The following SOX8 variants were observed in gnomAD, a reference collection of about 807,000 sequenced individuals.
SOX8 encodes the protein transcription factor SOX-8.
SOX8 carries 9 observed loss-of-function variants against 22.9 expected under a neutral mutation model. The ratio of observed to expected loss-of-function variants is 0.39; its 90% CI spans 0.24 to 0.69. The LOEUF (loss-of-function observed/expected upper bound fraction) is 0.69, where lower values mean the gene tolerates loss of function less well. Among genes scored for constraint, SOX8 ranks in the 30% least tolerant of loss-of-function variants. The pLI is 0.43. For missense variants in SOX8, 734 were observed against 699.4 expected, an observed-to-expected ratio of 1.05 and a Z score of -0.56; for synonymous variants, 416 against 330.6, an observed-to-expected ratio of 1.26 and a Z score of -2.80.
Position 984,810 on chromosome 16 carries a change from G to A in SOX8, c.765G>A (p.Gly255=), listed in dbSNP as rs1169779271. ...KLEGRRPVDS[G]RQNIDFSNVD... ...AGGGACGCCGGCCGGTGGACAGCGG[G>A]CGCCAGAACATCGACTTCAGCAACG... The change falls in exon 3 of 3, where the codon GGG becomes GGA. Residue 255 remains glycine, a synonymous_variant. Coordinates refer to ENST00000293894, the MANE Select transcript of SOX8 (RefSeq NM_014587.5). The A allele has an allele frequency of 1.2e-6, 2 of 1,612,106 alleles. No individual in the cohort carries two copies. The highest frequency in any genetic ancestry group is 1.7e-6 in the Non-Finnish European group (2 of 1,179,572).
chr16:982,604 T>C, intron 1 of SOX8: 1 of 375,124 alleles, frequency 2.7e-6, no homozygotes, highest in East Asian at 3.9e-5. Flanking sequence ...GGGTGCGCTC[T>C]GGAGCCAGTT....
rs756103620 is a variant in SOX8 at position 984,950 on chromosome 16, C to T, written c.905C>T (p.Ala302Val). ...GGPAPPEPGQ[A>V]YGGAYFHAGA... ...CCCGCCCCACCCGAGCCGGGCCAGG[C>T]CTATGGGGGCGCCTACTTCCACGCC... The change falls in exon 3 of 3, where the codon GCC becomes GTC. Residue 302 changes from alanine (A) to valine (V), a missense_variant. Coordinates refer to ENST00000293894, the MANE Select transcript of SOX8 (RefSeq NM_014587.5). 10 of 1,601,264 alleles carry T rather than the reference C, an allele frequency of 6.2e-6. No homozygotes were observed. Among genetic ancestry groups the T allele is most frequent in the Admixed American group, 1.7e-5 (1 of 58,532 alleles).
rs578065902 is a variant in SOX8 at position 984,204 on chromosome 16, G to A, written c.655+244G>A. On this transcript the variant is annotated intron_variant, in intron 2 of 2. Transcript: ENST00000293894. The stretch of plus-strand genomic sequence containing the variant: ...GCTTTGCTTGGCAGGGACCCCGAGA[G>A]GTGGTGTTTTCAGCAAGACTCAGTC... Among the ~76,000 whole-genome samples, 15 of 152,364 alleles carry A rather than the reference G, an allele frequency of 9.8e-5. No individual in the cohort carries two copies. The South Asian group carries it at 2.9e-3, about 29-fold the overall frequency.
At chr16:984,672 ATC>A in intron 2 of SOX8, 27 bp from the exon 3 acceptor site, 1 of 1,403,390 alleles carries the variant, frequency 7.1e-7, no homozygotes. Context: ...AGGGGCATTC[ATC>A]CCTGAAGCCT....
chr16:983,542 C>T (rs370313455), intron 1 of SOX8, 186 bp from the exon 2 acceptor site: 36 of 504,516 alleles, frequency 7.1e-5, no homozygotes, highest in East Asian at 5.5e-4. Flanking sequence ...AAACAGGCGC[C>T]GGCCGGTTCT....
rs1213640838 is a variant in SOX8 at position 984,903 on chromosome 16, C to A, written c.858C>A (p.Asp286Glu). 6.2e-7 allele frequency: 1 copy of A among 1,608,846 alleles called. No homozygotes were observed. The highest frequency in any genetic ancestry group is 1.7e-5 in the Admixed American group (1 of 59,776). The change falls in exon 3 of 3, where the codon GAC (aspartate) becomes GAA (glutamate). Residue 286 changes from aspartate (D) to glutamate (E), a missense_variant. Asp to Glu is a conservative substitution (Grantham distance 45, BLOSUM62 2). Coordinates refer to ENST00000293894, the MANE Select transcript of SOX8 (RefSeq NM_014587.5). ...TMDAFDVHEF[D>E]QYLPLGGPAP... ...ACGCCTTCGACGTCCACGAGTTCGA[C>A]CAGTACCTGCCCCTGGGCGGCCCCG...
chr16:984,701 G>A lies in SOX8; in HGVS notation c.656G>A (p.Gly219Glu). ...CTGAAGCCTGCTCTCCTGTCCCCAG[G>A]GCAGACCCACGGGCCGCCCACCCCG... ...GDGHHHGDHT[G>E]QTHGPPTPPT... Residue 219 changes from glycine (G) to glutamate (E), a missense_variant and splice_region_variant, in exon 3 of 3, where the codon GGG (glycine) becomes GAG (glutamate). Around this residue, in one of 3 missense-constraint regions of SOX8, gnomAD observed 588 missense variants for 568.2 expected, o/e 1.03. Transcript: ENST00000293894. 1 of 1,522,406 alleles carries A rather than the reference G, an allele frequency of 6.6e-7. No homozygotes were observed. The highest frequency in any genetic ancestry group is 8.8e-7 in the Non-Finnish European group (1 of 1,138,814). The allele number at this position is 1,522,406 out of a possible 1,614,324, so 94.3% of individuals were successfully genotyped here.
At position 984,854 on chromosome 16, in the gene SOX8, G is replaced by A. The variant is rs1391420648; in HGVS notation, c.809G>A (p.Ser270Asn). The change falls in exon 3 of 3, where the codon AGC (serine) becomes AAC (asparagine). Residue 270 changes from serine to asparagine, a missense_variant. Transcript: ENST00000293894. The part of the protein sequence containing the change: ...DFSNVDISEL[S>N]SEVMGTMDAF... ...AGCAACGTGGACATCTCGGAGCTCA[G>A]CAGCGAGGTCATGGGCACCATGGAC... 6.2e-7 allele frequency: 1 copy of A among 1,612,090 alleles called. No individual in the cohort carries two copies. Among genetic ancestry groups the A allele is most frequent in the Non-Finnish European group, 8.5e-7 (1 of 1,179,550 alleles).
rs945574311 is a variant in SOX8, at chr16:985,460, C to T, written c.*74C>T. Reference sequence around the variant, plus strand: ...CCCGGCCCAGTGTGTGTGACCAGGGCGGGAGGGGCCCCAGTGGCTGAGCTC... The same window carrying T: ...CCCGGCCCAGTGTGTGTGACCAGGGTGGGAGGGGCCCCAGTGGCTGAGCTC... On this transcript the variant is annotated 3_prime_UTR_variant, in exon 3 of 3. Transcript: ENST00000293894. 4.3e-5 allele frequency: 55 copies of T among 1,267,842 alleles called. No individual in the cohort carries two copies. The African/African-American group carries it at 5.8e-4, about 13-fold the overall frequency. The allele number at this position is 1,267,842 out of a possible 1,614,324, so 78.5% of individuals were successfully genotyped here. A position where few individuals can be genotyped will look rare whatever the true frequency, so the allele number is the denominator to read the frequency against.
In SOX8 at chr16:985,091, G is replaced by T; in HGVS notation, c.1046G>T (p.Gly349Val). 1 of 1,590,636 alleles carries T rather than the reference G, an allele frequency of 6.3e-7. No homozygotes were observed. The highest frequency in any genetic ancestry group is 1.1e-5 in the South Asian group (1 of 89,834). The change falls in exon 3 of 3, where the codon GGC becomes GTC. Residue 349 changes from glycine (G) to valine (V), a missense_variant. This residue lies in a region of SOX8 where 588 missense variants were observed against 568.2 expected (regional missense o/e 1.03). Coordinates refer to ENST00000293894, the MANE Select transcript of SOX8 (RefSeq NM_014587.5). Reference sequence around the variant, plus strand: ...GAGCAGCCGAGCCCCGGCCACTACGGCGACCAGCCCCGAGGCTCGCCCGAC... The same window carrying T: ...GAGCAGCCGAGCCCCGGCCACTACGTCGACCAGCCCCGAGGCTCGCCCGAC... ...KTEQPSPGHYGDQPRGSPDYG... is the reference protein window; with the variant it reads ...KTEQPSPGHYVDQPRGSPDYG...
intron 1 of SOX8, 78 bp downstream of exon 1, chr16:982,422 G>A (rs1034297961): frequency 8.0e-5 from 101 of 1,261,132 alleles, no homozygotes; most frequent in Non-Finnish European, 9.9e-5. Context: ...GGGCCTGGAG[G>A]GCGCAGAGCT....
Position 982,259 on chromosome 16 carries a change from G to A in SOX8, c.337G>A (p.Ala113Thr). Reference protein sequence around the residue: ...KRPMNAFMVWAQAARRKLADQ... With the variant: ...KRPMNAFMVWTQAARRKLADQ... ...GCCCATGAACGCATTCATGGTGTGG[G>A]CGCAGGCGGCGCGCCGCAAGCTGGC... Residue 113 changes from alanine to threonine, a missense_variant, in exon 1 of 3, where the codon GCG becomes ACG. Ala to Thr is a moderately conservative substitution (Grantham distance 58). Coordinates refer to ENST00000293894, the MANE Select transcript of SOX8 (RefSeq NM_014587.5). 1 of 1,529,944 alleles carries A rather than the reference G, an allele frequency of 6.5e-7. No homozygotes were observed. Among genetic ancestry groups the A allele is most frequent in the Non-Finnish European group, 8.8e-7 (1 of 1,141,594 alleles). The allele number at this position is 1,529,944 out of a possible 1,614,324, so 94.8% of individuals were successfully genotyped here.
At chr16:983,528 T>A in intron 1 of SOX8, 200 bp from the exon 2 acceptor site, 1 of 495,478 alleles carries the variant, frequency 2.0e-6, no homozygotes, top group East Asian at 3.3e-5. Flanking sequence ...ATACCAACCT[T>A]CCCAAACAGG....
Position 982,079 on chromosome 16 carries a change from C to T in SOX8, c.157C>T (p.Arg53Trp), listed in dbSNP as rs979336750. 3.1e-6 allele frequency: 4 copies of T among 1,298,554 alleles called. No homozygotes were observed. In the African/African-American group the frequency reaches 4.7e-5, roughly 15 times the overall value. 80.4% of individuals were successfully genotyped at this position (1,298,554 alleles called of 1,614,324 possible). Residue 53 changes from arginine to tryptophan, a missense_variant, in exon 1 of 3, where the codon CGG (arginine) becomes TGG (tryptophan). This residue lies in a region of SOX8 where 139 missense variants were observed against 109.1 expected (regional missense o/e 1.27). Coordinates refer to ENST00000293894, the MANE Select transcript of SOX8 (RefSeq NM_014587.5). ...CGCGGGGGTCGCGGTGGGGGGCGCC[C>T]GGGGCGACCCGGCGGAGGCGGCGGA... ...GRAGVAVGGARGDPAEAADER... is the reference protein window; with the variant it reads ...GRAGVAVGGAWGDPAEAADER...
rs778093497 is a variant in SOX8 at position 985,082 on chromosome 16, G to A, written c.1037G>A (p.Gly346Asp). Reference protein sequence around the residue: ...PHIKTEQPSPGHYGDQPRGSP... With the variant: ...PHIKTEQPSPDHYGDQPRGSP... ...ATCAAGACGGAGCAGCCGAGCCCCG[G>A]CCACTACGGCGACCAGCCCCGAGGC... Residue 346 changes from glycine to aspartate, a missense_variant, in exon 3 of 3, where the codon GGC (glycine) becomes GAC (aspartate). Transcript: ENST00000293894. The A allele has an allele frequency of 1.0e-5, 16 of 1,589,166 alleles. No homozygotes were observed. The highest frequency in any genetic ancestry group is 1.1e-5 in the Non-Finnish European group (13 of 1,174,292).
intron 1 of SOX8, chr16:982,767 A>T (rs2073412695): frequency 6.1e-6 from 1 of 164,266 alleles, no homozygotes; most frequent in Admixed American, 6.4e-5. Flanking sequence ...GAAAGGGCTC[A>T]GCTCCTCTAG....
chr16:982,891 C>G, intron 1 of SOX8: 1 of 152,652 alleles, frequency 6.6e-6, no homozygotes. Context: ...CGGTCCGAAG[C>G]AGGGAGGGCA....
At position 985,987 on chromosome 16, in the gene SOX8, A is replaced by G. The variant is rs888390987; in HGVS notation, c.*601A>G. On this transcript the variant is annotated 3_prime_UTR_variant, in exon 3 of 3. Coordinates refer to ENST00000293894, the MANE Select transcript of SOX8 (RefSeq NM_014587.5). ...ATGAACACATCTCTCTTTTATTTTTATGTTTTTGATAATTTTTATTTTTGA... is the reference window on the plus strand; with the variant it reads ...ATGAACACATCTCTCTTTTATTTTTGTGTTTTTGATAATTTTTATTTTTGA... 2.0e-5 allele frequency: 3 copies of G among 152,366 alleles called. No homozygotes were observed. The highest frequency in any genetic ancestry group is 4.4e-5 in the Non-Finnish European group (3 of 68,172). The allele number at this position is 152,366 out of a possible 1,614,324, so 9.4% of individuals were successfully genotyped here. A position where few individuals can be genotyped will look rare whatever the true frequency, so the allele number is the denominator to read the frequency against.
In SOX8 at chr16:985,427, A is replaced by T. The variant is rs2073451652; in HGVS notation, c.*41A>T. ...GAGGGACTCGCAGGCGTCAGGGGGC[A>T]GCCTTGTCCCGGCCCAGTGTGTGTG... On this transcript the variant is annotated 3_prime_UTR_variant, in exon 3 of 3. Transcript: ENST00000293894. The T allele has an allele frequency of 6.9e-7, 1 of 1,452,210 alleles. No individual in the cohort carries two copies. Among genetic ancestry groups the T allele is most frequent in the East Asian group, 2.5e-5 (1 of 39,912 alleles). The allele number at this position is 1,452,210 out of a possible 1,614,324, so 90.0% of individuals were successfully genotyped here.
Sources: gnomAD v4.1 joint callset for allele counts (sites outside exome capture counted in the v4.1 genomes callset) on GRCh38, gnomAD v4.1.1 for gene constraint, gnomAD v4.1.1 regional missense constraint, MANE v1.5 for transcripts, NCBI Gene and HGNC (gene_info 2026-07-23, HGNC 2026-07-21) for gene names.